Variants in DMD observed in about 807,000 individuals in gnomAD.
DMD encodes the protein mutant dystrophin.
In DMD, 63 loss-of-function variants were observed where a neutral mutation model predicts 330.1. The observed-to-expected ratio is 0.19, with a 90% CI of 0.16 to 0.24. DMD has a LOEUF of 0.24. Among genes scored for constraint, DMD ranks in the 10% least tolerant of loss-of-function variants. The probability of loss-of-function intolerance (pLI) is 1.00; values close to 1 mark genes in which losing one functional copy is unlikely to be tolerated. For missense variants in DMD, 3,344 were observed against 2,684.1 expected (o/e 1.25, Z -5.43); for synonymous variants, 1,223 against 959.8 (o/e 1.27, Z -5.07).
At chrX:31,966,683 T>G (rs1161535340) in intron 45 of DMD, among the ~76,000 whole-genome samples, 8 of 111,167 alleles carry the variant, frequency 7.2e-5, no homozygotes, top group Non-Finnish European at 1.9e-5. Context: ...TATACCACTT[T>G]CTTATAAAAT....
intron 2 of DMD, among the ~76,000 whole-genome samples, chrX:32,886,347 T>C (rs183379721): frequency 9.1e-6 from 1 of 110,276 alleles, no homozygotes; most frequent in East Asian, 2.9e-4. Flanking sequence ...AATAATAATT[T>C]TGCTAAGTAT....
intron 29 of DMD, among the ~76,000 whole-genome samples, chrX:32,431,135 T>C (rs73619082): frequency 0.19 from 20,789 of 110,026 alleles, 1,844 homozygotes; most frequent in African/African-American, 0.33. Context: ...TTTTGAGGAA[T>C]CTCCATACTG....
chrX:32,694,192 A>T (rs73456953), intron 9 of DMD, among the ~76,000 whole-genome samples: 2,554 of 110,811 alleles, frequency 0.023, 77 homozygotes, highest in African/African-American at 0.079. Context: ...CTGATGCCTC[A>T]TCATATATAC....
intron 41 of DMD, among the ~76,000 whole-genome samples, chrX:32,321,509 T>C (rs775941098): frequency 2.1e-4 from 23 of 111,360 alleles, no homozygotes; most frequent in Non-Finnish European, 3.6e-4. Context: ...ACCTGCTAGT[T>C]TGTTTCATGC....
At chrX:31,251,295 C>T (rs763389700) in intron 63 of DMD, among the ~76,000 whole-genome samples, 1 of 110,513 alleles carries the variant, frequency 9.0e-6, no homozygotes, top group South Asian at 3.9e-4. Flanking sequence ...CATGCCTGGC[C>T]TTAAAGTGAT....
At chrX:32,586,791 C>G (rs1220187608) in intron 13 of DMD, among the ~76,000 whole-genome samples, 1 of 110,758 alleles carries the variant, frequency 9.0e-6, no homozygotes, top group African/African-American at 3.3e-5. Flanking sequence ...GCTATATGAA[C>G]TTGGATTTAA....
chrX:32,132,946 C>A (rs1335698417), intron 44 of DMD, among the ~76,000 whole-genome samples: 1 of 106,068 alleles, frequency 9.4e-6, no homozygotes, highest in Non-Finnish European at 1.9e-5. Flanking sequence ...GAGGACACCA[C>A]ACACTTTTGT....
intron 1 of DMD, among the ~76,000 whole-genome samples, chrX:33,118,044 C>G (rs146626285): frequency 4.6e-3 from 504 of 110,409 alleles, no homozygotes; most frequent in African/African-American, 0.015. Context: ...AAGCCAGAAG[C>G]TATCTAATTT....
In DMD at chrX:31,865,460, A is replaced by AT. The variant is rs199624181; in HGVS notation, c.7098+9727dup. Among the ~76,000 whole-genome samples, 299 of 112,164 alleles carry AT rather than the reference A, an allele frequency of 2.7e-3. 9 individuals are homozygous for AT. In the East Asian group the frequency reaches 0.069, roughly 26 times the overall value. The stretch of plus-strand genomic sequence containing the variant: ...ACCTCCCGAACACCACTTTTAAAAA[A>AT]TTTTTTTTAAAAATGAAATCAGATA... On this transcript the variant is annotated intron_variant, in intron 48 of 78. Coordinates refer to ENST00000357033, the MANE Select transcript of DMD (RefSeq NM_004006.3).
At chrX:32,825,817 C>T (rs1008170973) in intron 4 of DMD, among the ~76,000 whole-genome samples, 2 of 110,850 alleles carry the variant, frequency 1.8e-5, no homozygotes, top group Non-Finnish European at 3.8e-5. Flanking sequence ...CCTAAAATAG[C>T]CAAATTCATA....
At chrX:31,543,913 A>C (rs768322488) in intron 55 of DMD, among the ~76,000 whole-genome samples, 1 of 111,902 alleles carries the variant, frequency 8.9e-6, no homozygotes, top group South Asian at 3.8e-4. Flanking sequence ...GGTTAAAGAA[A>C]TCAGGTATCT....
chrX:31,330,278 C>T (rs748073697), intron 61 of DMD, among the ~76,000 whole-genome samples: 6 of 109,644 alleles, frequency 5.5e-5, no homozygotes, highest in Non-Finnish European at 9.5e-5. Context: ...GGCAAATGCC[C>T]CCAAATGGCG....
intron 7 of DMD, among the ~76,000 whole-genome samples, chrX:32,762,498 G>A (rs912439221): frequency 9.0e-6 from 1 of 111,490 alleles, no homozygotes; most frequent in African/African-American, 3.3e-5. Flanking sequence ...TTCAGATAAT[G>A]ATGATGATTT....
intron 62 of DMD, among the ~76,000 whole-genome samples, chrX:31,277,306 CT>C (rs923504561): frequency 9.0e-6 from 1 of 111,497 alleles, no homozygotes. Flanking sequence ...GTTTCATATC[CT>C]TTAACCAGCA....
At chrX:32,672,328 T>C (rs189057572) in intron 9 of DMD, among the ~76,000 whole-genome samples, 1 of 110,260 alleles carries the variant, frequency 9.1e-6, no homozygotes, top group Admixed American at 9.8e-5. Context: ...CAAGAAAAAA[T>C]AGAGCATATT....
intron 55 of DMD, among the ~76,000 whole-genome samples, chrX:31,623,370 TCTC>T (rs1195573437): frequency 9.0e-6 from 1 of 111,152 alleles, no homozygotes; most frequent in Non-Finnish European, 1.9e-5. Context: ...TTCAAGCAAT[TCTC>T]CTGCCTCAGC....
At chrX:32,450,789 T>A (rs983922320) in intron 26 of DMD, among the ~76,000 whole-genome samples, 2 of 111,129 alleles carry the variant, frequency 1.8e-5, no homozygotes, top group African/African-American at 6.5e-5. Flanking sequence ...TCATTATAAA[T>A]AACCCAAGCA....
chrX:32,022,825 CTTTTTTTTT>C (rs753993138), intron 44 of DMD, among the ~76,000 whole-genome samples: 2 of 90,403 alleles, frequency 2.2e-5, no homozygotes, highest in African/African-American at 8.6e-5. Flanking sequence ...GTATAATCCT[CTTTTTTTTT>C]TTTTTTTTTT....
At chrX:31,720,917 CTCT>C (rs1044365733) in intron 52 of DMD, among the ~76,000 whole-genome samples, 3 of 110,737 alleles carry the variant, frequency 2.7e-5, no homozygotes, top group South Asian at 3.8e-4. Flanking sequence ...GATATTAATC[CTCT>C]TAATTTAAAA....
Sources: gnomAD v4.1 joint callset for allele counts (sites outside exome capture counted in the v4.1 genomes callset) on GRCh38, gnomAD v4.1.1 for gene constraint, MANE v1.5 for transcripts, NCBI Gene and HGNC (gene_info 2026-07-23, HGNC 2026-07-21) for gene names.